ZFHX3: variants seen among roughly 807,000 people sequenced by gnomAD.
ZFHX3 encodes zinc finger homeobox protein 3.
Under a neutral mutation model 279.1 loss-of-function variants are expected in ZFHX3, and 42 were observed. The ratio of observed to expected loss-of-function variants is 0.15; its 90% CI spans 0.12 to 0.19. The LOEUF (loss-of-function observed/expected upper bound fraction) is 0.19. Ranked by LOEUF, ZFHX3 falls within the 10% of genes least tolerant of loss-of-function variation. The probability of loss-of-function intolerance (pLI) is 1.00; values close to 1 mark genes in which losing one functional copy is unlikely to be tolerated. For synonymous variants in ZFHX3, 2,293 were observed against 1,957.8 expected (o/e 1.17, Z -4.52); for missense variants, 4,981 against 4,754.0 (o/e 1.05, Z -1.40).
chr16:72,918,986 G>A (rs1374373256), intron 3 of ZFHX3, among the ~76,000 whole-genome samples: 1 of 151,912 alleles, frequency 6.6e-6, no homozygotes, highest in Non-Finnish European at 1.5e-5. Flanking sequence ...GTGAGCCACC[G>A]CACCCGGCCT....
intron 1 of ZFHX3, among the ~76,000 whole-genome samples, chr16:73,781,667 G>T (rs1959476016): frequency 6.6e-6 from 1 of 152,172 alleles, no homozygotes; most frequent in Admixed American, 6.5e-5. Context: ...AGAGCTGGAA[G>T]AAACCATCTT....
At chr16:73,326,842 T>G (rs1452928373) in intron 3 of ZFHX3, among the ~76,000 whole-genome samples, 1 of 152,192 alleles carries the variant, frequency 6.6e-6, no homozygotes, top group Non-Finnish European at 1.5e-5. Flanking sequence ...GTGTATTTAT[T>G]TAAATATTGA....
intron 1 of ZFHX3, among the ~76,000 whole-genome samples, chr16:73,699,749 G>T (rs1302692621): frequency 6.6e-6 from 1 of 152,098 alleles, no homozygotes; most frequent in Non-Finnish European, 1.5e-5. Context: ...TTCCCCAGGT[G>T]GTACCTCTTA....
In ZFHX3 at chr16:72,958,730, C is replaced by G. The variant is rs756105315; in HGVS notation, c.1416G>C (p.Ala472=). Residue 472 remains alanine, a synonymous_variant, in exon 2 of 10, where the codon GCG becomes GCC. Transcript: ENST00000268489. ...CCTCCTCTTCTTCCTCCTCCTCCTC[C>G]GCCTCTTCCTCCTCCTCTTCCTCCT... The part of the protein sequence containing the change: ...EAEEEEEEEE[A]EEEEEEEEEE... The G allele has an allele frequency of 8.7e-6, 14 of 1,602,530 alleles. No homozygotes were observed. The South Asian group carries it at 1.5e-4, about 18-fold the overall frequency.
intron 5 of ZFHX3, among the ~76,000 whole-genome samples, chr16:72,827,163 T>C (rs986283763): frequency 6.6e-6 from 1 of 152,200 alleles, no homozygotes; most frequent in Non-Finnish European, 1.5e-5. Context: ...TCCCATTAAA[T>C]GCTTGTATGT....
At chr16:73,496,506 G>A (rs995489246) in intron 2 of ZFHX3, among the ~76,000 whole-genome samples, 8 of 152,184 alleles carry the variant, frequency 5.3e-5, no homozygotes, top group African/African-American at 1.7e-4. Flanking sequence ...ACTCCAGCCT[G>A]GGAGACACAG....
At chr16:73,128,267 A>G (rs1208034162) in intron 7 of ZFHX3, among the ~76,000 whole-genome samples, 5 of 152,114 alleles carry the variant, frequency 3.3e-5, no homozygotes, top group African/African-American at 7.2e-5. Context: ...ATCTTGTTTT[A>G]TTTATATACA....
At chr16:73,629,887 C>T (rs1286199278) in intron 2 of ZFHX3, among the ~76,000 whole-genome samples, 6 of 152,156 alleles carry the variant, frequency 3.9e-5, no homozygotes, top group Admixed American at 3.9e-4. Flanking sequence ...TAGTCTCTTT[C>T]AACCGCACAA....
intron 4 of ZFHX3, among the ~76,000 whole-genome samples, chr16:73,295,424 G>A (rs958898756): frequency 1.3e-5 from 2 of 152,228 alleles, no homozygotes; most frequent in African/African-American, 2.4e-5. Context: ...AATGTAAGGT[G>A]TGAATTTTTT....
chr16:73,745,981 G>A (rs1299135187), intron 1 of ZFHX3, among the ~76,000 whole-genome samples: 1 of 152,126 alleles, frequency 6.6e-6, no homozygotes, highest in Admixed American at 6.6e-5. Flanking sequence ...CTGAATGAAT[G>A]TTACTTGTGG....
At chr16:73,270,826 G>A (rs964023559) in intron 4 of ZFHX3, among the ~76,000 whole-genome samples, 3 of 152,308 alleles carry the variant, frequency 2.0e-5, no homozygotes, top group South Asian at 4.1e-4. Context: ...CCCACTGCGT[G>A]CTGGGAGGTC....
chr16:72,898,587 G>C (rs1228932080), intron 3 of ZFHX3, among the ~76,000 whole-genome samples: 2 of 152,092 alleles, frequency 1.3e-5, no homozygotes, highest in African/African-American at 4.8e-5. Flanking sequence ...ACACAAACAT[G>C]GATCCTTGTG....
At chr16:73,350,496 T>C (rs1246693122) in intron 3 of ZFHX3, among the ~76,000 whole-genome samples, 2 of 152,072 alleles carry the variant, frequency 1.3e-5, no homozygotes, top group Non-Finnish European at 2.9e-5. Context: ...TTTCAAGAGG[T>C]GGTACTTGGG....
At chr16:73,369,304 A>G (rs1226170844) in intron 3 of ZFHX3, among the ~76,000 whole-genome samples, 1 of 152,212 alleles carries the variant, frequency 6.6e-6, no homozygotes. Context: ...GGTCCATTGC[A>G]AAGTAAAATG....
intron 2 of ZFHX3, among the ~76,000 whole-genome samples, chr16:73,488,530 C>G (rs1207123816): frequency 6.6e-6 from 1 of 152,172 alleles, no homozygotes; most frequent in Non-Finnish European, 1.5e-5. Flanking sequence ...AAACAACTGG[C>G]AGATCTCAAT....
chr16:72,926,748 T>C (rs1384000157), intron 3 of ZFHX3, among the ~76,000 whole-genome samples: 2 of 152,140 alleles, frequency 1.3e-5, no homozygotes, highest in East Asian at 3.9e-4. Context: ...TGAGGGGCGA[T>C]TACATGCTCC....
At chr16:73,740,743 C>T (rs1182539915) in intron 1 of ZFHX3, among the ~76,000 whole-genome samples, 3 of 152,146 alleles carry the variant, frequency 2.0e-5, no homozygotes, top group Admixed American at 6.5e-5. Context: ...TAGGCAAAGA[C>T]CTGCCAAGCC....
chr16:73,160,758 T>C (rs1342209473), intron 5 of ZFHX3, among the ~76,000 whole-genome samples: 1 of 151,588 alleles, frequency 6.6e-6, no homozygotes. Context: ...ATGCTTATTC[T>C]TTTCTTTTCT....
Position 72,787,430 on chromosome 16 carries a change from A to C in ZFHX3, c.10846T>G (p.Ser3616Ala), listed in dbSNP as rs773400914. Residue 3616 changes from serine (S) to alanine (A), a missense_variant, in exon 10 of 10, where the codon TCT becomes GCT. This residue lies in a region of ZFHX3 where 1,034 missense variants were observed against 786.0 expected (regional missense o/e 1.32). Coordinates refer to ENST00000268489, the MANE Select transcript of ZFHX3 (RefSeq NM_006885.4). Reference protein sequence around the residue: ...SSASPHASRKSWPQVVSRASA... With the variant: ...SSASPHASRKAWPQVVSRASA... ...GCCCGGGAGACCACTTGCGGCCAAG[A>C]CTTCCTGGAGGCGTGGGGGGAAGCG... The C allele has an allele frequency of 6.5e-7, 1 of 1,534,852 alleles. No individual in the cohort carries two copies. The highest frequency in any genetic ancestry group is 8.8e-7 in the Non-Finnish European group (1 of 1,134,066).
Sources: gnomAD v4.1 joint callset for allele counts (sites outside exome capture counted in the v4.1 genomes callset) on GRCh38, gnomAD v4.1.1 for gene constraint, gnomAD v4.1.1 regional missense constraint, MANE v1.5 for transcripts, NCBI Gene and HGNC (gene_info 2026-07-23, HGNC 2026-07-21) for gene names.